Variants in RBFOX1 observed in about 807,000 individuals in gnomAD.
The protein encoded by RBFOX1 is RNA binding protein fox-1 homolog 1.
A neutral mutation model predicts 57.7 loss-of-function variants in RBFOX1; 8 were observed. The ratio of observed to expected loss-of-function variants is 0.14; its 90% CI spans 0.08 to 0.25. The LOEUF is 0.25. Among genes scored for constraint, RBFOX1 ranks in the 10% least tolerant of loss-of-function variants. RBFOX1 has a pLI of 1.00. For synonymous variants in RBFOX1, 326 were observed against 222.4 expected, an observed-to-expected ratio of 1.47 and a Z score of -4.15; for missense variants, 611 against 548.5, an observed-to-expected ratio of 1.11 and a Z score of -1.14.
At chr16:7,680,965 T>C (rs1400707980) in intron 14 of RBFOX1, among the ~76,000 whole-genome samples, 2 of 152,088 alleles carry the variant, frequency 1.3e-5, no homozygotes, top group African/African-American at 2.4e-5. Flanking sequence ...TGTTTTCAGG[T>C]AAAGCTTAAT....
intron 1 of RBFOX1, among the ~76,000 whole-genome samples, chr16:6,192,385 C>T (rs759908135): frequency 3.9e-5 from 6 of 152,068 alleles, no homozygotes; most frequent in Admixed American, 2.6e-4. Context: ...TGAATAATGT[C>T]ATTCTTAGTT....
chr16:6,777,728 C>CTGG (rs1398447792), intron 3 of RBFOX1, among the ~76,000 whole-genome samples: 1 of 152,080 alleles, frequency 6.6e-6, no homozygotes, highest in East Asian at 1.9e-4. Flanking sequence ...ATATTCATAA[C>CTGG]TGGTGGGCTT....
At chr16:5,546,595 T>C (rs969741650) in intron 2 of RBFOX1, among the ~76,000 whole-genome samples, 2 of 152,184 alleles carry the variant, frequency 1.3e-5, no homozygotes, top group Non-Finnish European at 2.9e-5. Context: ...CTGTGGCATA[T>C]ACAAAAATTA....
At chr16:7,040,019 T>TATC (rs1369036358) in intron 3 of RBFOX1, among the ~76,000 whole-genome samples, 48 of 150,778 alleles carry the variant, frequency 3.2e-4, no homozygotes, top group East Asian at 2.0e-4. Flanking sequence ...TTATTATTAT[T>TATC]ATCATTATTA....
chr16:7,226,204 C>T (rs544036136), intron 4 of RBFOX1, among the ~76,000 whole-genome samples: 2 of 152,246 alleles, frequency 1.3e-5, no homozygotes, highest in East Asian at 3.9e-4. Context: ...TGTGCACATC[C>T]CTGAGCCAGT....
At chr16:5,756,810 A>T (rs1331601476) in intron 3 of RBFOX1, among the ~76,000 whole-genome samples, 1 of 152,200 alleles carries the variant, frequency 6.6e-6, no homozygotes, top group Non-Finnish European at 1.5e-5. Flanking sequence ...TTCGTGGGAA[A>T]GGTGGACTTC....
chr16:7,165,472 C>G (rs954041421), intron 4 of RBFOX1, among the ~76,000 whole-genome samples: 1 of 151,298 alleles, frequency 6.6e-6, no homozygotes, highest in African/African-American at 2.4e-5. Flanking sequence ...TCTTGTTCCC[C>G]AGGCTGGAGT....
intron 3 of RBFOX1, among the ~76,000 whole-genome samples, chr16:5,644,490 T>A (rs2048983932): frequency 1.3e-5 from 2 of 152,052 alleles, no homozygotes; most frequent in South Asian, 4.1e-4. Flanking sequence ...GAGGTAAAGT[T>A]CCACCTTAAA....
intron 4 of RBFOX1, among the ~76,000 whole-genome samples, chr16:7,476,463 T>A (rs2062728315): frequency 6.6e-6 from 1 of 152,234 alleles, no homozygotes; most frequent in African/African-American, 2.4e-5. Context: ...TGGTTATTCT[T>A]ACTGTATTAA....
At chr16:5,641,751 G>C (rs1452251581) in intron 3 of RBFOX1, among the ~76,000 whole-genome samples, 2 of 152,196 alleles carry the variant, frequency 1.3e-5, no homozygotes, top group Non-Finnish European at 2.9e-5. Context: ...AATAAAGGCA[G>C]GGGGTCAGTT....
chr16:7,640,611 A>C (rs1156542612), intron 11 of RBFOX1, among the ~76,000 whole-genome samples: 2 of 152,224 alleles, frequency 1.3e-5, no homozygotes, highest in Non-Finnish European at 2.9e-5. Context: ...AACAAGGCCG[A>C]GATGAGATGT....
At chr16:6,699,858 C>A (rs1000894468) in intron 3 of RBFOX1, among the ~76,000 whole-genome samples, 4 of 152,108 alleles carry the variant, frequency 2.6e-5, no homozygotes, top group Admixed American at 2.6e-4. Context: ...GGTCTGGGCA[C>A]TAAGGATAGC....
chr16:7,132,270 C>T (rs980955489), intron 4 of RBFOX1, among the ~76,000 whole-genome samples: 1 of 151,926 alleles, frequency 6.6e-6, no homozygotes, highest in African/African-American at 2.4e-5. Flanking sequence ...CATGAGATAC[C>T]CTGTCCGGCC....
chr16:6,193,400 A>ATATATACATTATATATATATAC (rs2097158107), intron 1 of RBFOX1, among the ~76,000 whole-genome samples: 1 of 85,256 alleles, frequency 1.2e-5, no homozygotes, highest in Non-Finnish European at 2.3e-5. Flanking sequence ...TACTATATAT[A>ATATATACATTATATATATATAC]TATATATATA....
At chr16:7,524,105 G>A (rs542462692) in intron 5 of RBFOX1, among the ~76,000 whole-genome samples, 3 of 152,184 alleles carry the variant, frequency 2.0e-5, no homozygotes, top group African/African-American at 4.8e-5. Flanking sequence ...ATGTATCCAC[G>A]ATGCTTAATA....
chr16:6,727,032 C>T (rs2067349837), intron 3 of RBFOX1, among the ~76,000 whole-genome samples: 1 of 115,014 alleles, frequency 8.7e-6, no homozygotes, highest in African/African-American at 2.9e-5. Context: ...GCCTCATGAC[C>T]TTCAGGTATT....
intron 1 of RBFOX1, among the ~76,000 whole-genome samples, chr16:6,305,535 G>A (rs143937670): frequency 2.2e-3 from 334 of 151,370 alleles, no homozygotes; most frequent in Non-Finnish European, 3.8e-3. Context: ...CATTTAAATC[G>A]CAATAATTTC....
intron 2 of RBFOX1, among the ~76,000 whole-genome samples, chr16:6,367,700 A>G (rs2795550): frequency 0.65 from 98,557 of 150,944 alleles, 33,517 homozygotes; most frequent in African/African-American, 0.85. Context: ...GCCAATGCCT[A>G]CATGTTTTCT....
intron 4 of RBFOX1, among the ~76,000 whole-genome samples, chr16:7,406,084 C>G (rs2098335235): frequency 1.3e-5 from 2 of 152,104 alleles, no homozygotes; most frequent in Non-Finnish European, 2.9e-5. Context: ...GGGAGAAACC[C>G]CATTCTGGAG....
Sources: gnomAD v4.1 joint callset for allele counts (sites outside exome capture counted in the v4.1 genomes callset) on GRCh38, gnomAD v4.1.1 for gene constraint, MANE v1.5 for transcripts, NCBI Gene and HGNC (gene_info 2026-07-23, HGNC 2026-07-21) for gene names.